The following TTC19 variants were observed in gnomAD, a reference collection of about 807,000 sequenced individuals.
TTC19 encodes tetratricopeptide repeat protein 19, mitochondrial.
TTC19 carries 38 observed loss-of-function variants against 49.5 expected under a neutral mutation model. The ratio of observed to expected loss-of-function variants is 0.77; its 90% CI spans 0.59 to 1.01. The LOEUF (loss-of-function observed/expected upper bound fraction) is 1.01. Ranked by LOEUF, TTC19 falls within the 50% of genes least tolerant of loss-of-function variation. TTC19 has a pLI of 0.00. For missense variants in TTC19, 475 were observed against 477.7 expected (o/e 0.99, Z 0.05); for synonymous variants, 204 against 185.2 (o/e 1.10, Z -0.83).
intron 6 of TTC19, among the ~76,000 whole-genome samples, chr17:16,005,382 G>T (rs1037033397): frequency 6.6e-6 from 1 of 152,200 alleles, no homozygotes; most frequent in South Asian, 2.1e-4. Flanking sequence ...GAAGGAAGGG[G>T]ATGCTTCTGT....
intron 7 of TTC19, among the ~76,000 whole-genome samples, chr17:16,007,636 G>T (rs1970950636): frequency 6.6e-6 from 1 of 152,176 alleles, no homozygotes; most frequent in Non-Finnish European, 1.5e-5. Flanking sequence ...TGATAACTGA[G>T]ACTGCTGCTA....
chr17:16,019,310 G>A (rs1316303059), intron 7 of TTC19, among the ~76,000 whole-genome samples: 3 of 152,192 alleles, frequency 2.0e-5, no homozygotes, highest in African/African-American at 7.2e-5. Flanking sequence ...TCCAGCCTGG[G>A]TGACAGAGTG....
At chr17:16,002,916 C>T (rs1970785624) in intron 4 of TTC19, 85 bp downstream of exon 4, 1 of 1,284,776 alleles carries the variant, frequency 7.8e-7, no homozygotes, top group Non-Finnish European at 1.1e-6. Context: ...GGCTAAGCTG[C>T]TATAACAAAG....
downstream of TTC19, chr17:16,032,632 A>G (rs1244241024): frequency 1.5e-6 from 1 of 684,390 alleles, no homozygotes; most frequent in East Asian, 3.0e-5. Context: ...GGAATGGCCA[A>G]AGTCTCACCA....
Position 16,027,480 on chromosome 17 carries a change from G to A in TTC19, c.1101G>A (p.Leu367=), listed in dbSNP as rs1597471592. Residue 367 remains leucine (L), a synonymous_variant, in exon 10 of 10, where the codon CTG becomes CTA. Transcript: ENST00000261647. ...VQHIREELAE[L]SKKSRPLTNS... The stretch of plus-strand genomic sequence containing the variant: ...ACATCAGGGAAGAGTTGGCTGAGCT[G>A]TCAAAGAAAAGTAGACCTTTGACAA... 4 of 1,614,108 alleles carry A rather than the reference G, an allele frequency of 2.5e-6. No individual in the cohort carries two copies. The highest frequency in any genetic ancestry group is 3.4e-6 in the Non-Finnish European group (4 of 1,179,972).
rs7223740 is a variant in TTC19, at chr17:16,021,094, T to C, written c.677-3923T>C. ...CTAGGTGCTGAGATACAGATATAAA[T>C]AAAAGAAAGTTGGCTGGGCGCAGTG... On this transcript the variant is annotated intron_variant, in intron 7 of 9. Coordinates refer to ENST00000261647, the MANE Select transcript of TTC19 (RefSeq NM_017775.4). 8.5e-3 allele frequency among the ~76,000 whole-genome samples: 1,286 copies of C among 152,124 alleles called. 13 individuals are homozygous for C. The highest frequency in any genetic ancestry group is 0.029 in the African/African-American group (1,212 of 41,512).
At position 16,000,167 on chromosome 17, in the gene TTC19, G is replaced by A. The variant is rs1035141902; in HGVS notation, c.234G>A (p.Gln78=). The change falls in exon 2 of 10, where the codon CAG becomes CAA. Residue 78 remains glutamine (Q), a synonymous_variant. Coordinates refer to ENST00000261647, the MANE Select transcript of TTC19 (RefSeq NM_017775.4). Reference sequence around the variant, plus strand: ...CTGCGGCAGAGGAGGAGGAGCAGCAGGGAGCCGACGGGGCCGCTGCCGAGG... The same window carrying A: ...CTGCGGCAGAGGAGGAGGAGCAGCAAGGAGCCGACGGGGCCGCTGCCGAGG... The part of the protein sequence containing the change: ...RPAAAEEEEQ[Q]GADGAAAEDG... The A allele has an allele frequency of 1.4e-5, 23 of 1,590,742 alleles. No homozygotes were observed. The highest frequency in any genetic ancestry group is 2.7e-5 in the African/African-American group (2 of 74,752).
At chr17:16,006,990 T>C (rs1970929991) in intron 7 of TTC19, among the ~76,000 whole-genome samples, 3 of 152,254 alleles carry the variant, frequency 2.0e-5, no homozygotes, top group Admixed American at 6.5e-5. Context: ...TCACTCATTC[T>C]GGAGGCTAGG....
rs1970748362 is a variant in TTC19 at position 16,001,912 on chromosome 17, C to T, written c.313-3C>T. 1 of 1,603,626 alleles carries T rather than the reference C, an allele frequency of 6.2e-7. No individual in the cohort carries two copies. On this transcript the variant is annotated splice_polypyrimidine_tract_variant and splice_region_variant and intron_variant, in intron 2 of 9. Coordinates refer to ENST00000261647, the MANE Select transcript of TTC19 (RefSeq NM_017775.4). ...TTTCTATTATTTTGTCTTCCCTTTT[C>T]AGTTGAGCATTATGAAAGATGAGCC...
Position 16,027,439 on chromosome 17 carries a change from G to T in TTC19, c.1060G>T (p.Glu354Ter). Residue 354 changes from glutamate to a stop codon, truncating the protein, a stop_gained, in exon 10 of 10, where the codon GAA becomes TAA. Transcript: ENST00000261647. LOFTEE classifies it high-confidence loss of function. ...ALKQAKLKKD[E>*]ISVQHIREEL... Reference sequence around the variant, plus strand: ...GAAGCAAGCAAAGCTGAAAAAAGATGAAATTTCTGTACAACACATCAGGGA... The same window carrying T: ...GAAGCAAGCAAAGCTGAAAAAAGATTAAATTTCTGTACAACACATCAGGGA... 6.2e-7 allele frequency: 1 copy of T among 1,614,112 alleles called. No homozygotes were observed. Among genetic ancestry groups the T allele is most frequent in the Non-Finnish European group, 8.5e-7 (1 of 1,179,964 alleles).
intron 2 of TTC19, among the ~76,000 whole-genome samples, chr17:16,041,491 G>A (rs2057611254): frequency 1.4e-5 from 2 of 146,668 alleles, no homozygotes; most frequent in Non-Finnish European, 3.0e-5. Flanking sequence ...TAGGCTCACT[G>A]CAACCTCTGC....
In TTC19 at chr17:16,028,959, A is replaced by C; in HGVS notation, c.*1437A>C. 1 of 425,786 alleles carries C rather than the reference A, an allele frequency of 2.3e-6. No individual in the cohort carries two copies. Among genetic ancestry groups the C allele is most frequent in the Non-Finnish European group, 4.6e-6 (1 of 218,884 alleles). The allele number at this position is 425,786 out of a possible 1,614,324, so 26.4% of individuals were successfully genotyped here. On this transcript the variant is annotated 3_prime_UTR_variant, in exon 10 of 10. Transcript: ENST00000261647. ...GTAAATTTCTTCCTATTTTCTGTCT[A>C]ATCTCATATTATTTACCATGCAGCT... is the stretch of plus-strand genomic sequence containing the variant.
chr17:16,039,361 C>T, intron 2 of TTC19: 15 of 1,352,072 alleles, frequency 1.1e-5, no homozygotes, highest in Non-Finnish European at 1.6e-5. Flanking sequence ...CTTAGTGATG[C>T]ATCAGAATTT....
rs73978586 is a variant in TTC19 at position 16,001,764 on chromosome 17, T to C, written c.313-151T>C. On this transcript the variant is annotated intron_variant, in intron 2 of 9. Transcript: ENST00000261647. The stretch of plus-strand genomic sequence containing the variant: ...ACCTCCCTGTCATCTCTGTAGACAA[T>C]GCTTTGTACATAGTAGGAATTCAGT... The C allele has an allele frequency of 9.2e-3, 6,123 of 664,540 alleles. 280 individuals carry two copies. The African/African-American group carries it at 0.096, about 10-fold the overall frequency. The allele number at this position is 664,540 out of a possible 1,614,324, so 41.2% of individuals were successfully genotyped here.
At position 16,000,297 on chromosome 17, in the gene TTC19, C is replaced by T. The variant is rs546037472; in HGVS notation, c.312+52C>T. ...GGCCGAGCGCGGTAGCCTTTGTGAG[C>T]GGGGTCTTGGCGTTGCTGCGCATTA... On this transcript the variant is annotated intron_variant, in intron 2 of 9. Coordinates refer to ENST00000261647, the MANE Select transcript of TTC19 (RefSeq NM_017775.4). 17 of 1,586,904 alleles carry T rather than the reference C, an allele frequency of 1.1e-5. No individual in the cohort carries two copies. In the African/African-American group the frequency reaches 2.1e-4, roughly 20 times the overall value.
In TTC19 at chr17:16,002,627, A is replaced by G. The variant is rs548624403; in HGVS notation, c.424-166A>G. On this transcript the variant is annotated intron_variant, in intron 3 of 9. Coordinates refer to ENST00000261647, the MANE Select transcript of TTC19 (RefSeq NM_017775.4). ...GTATGTGCAAGTATTTAATTCTCAC[A>G]TGATTGCTGTCCTGTGCTTCTTCTT... is the stretch of plus-strand genomic sequence containing the variant. 1.7e-4 allele frequency: 114 copies of G among 683,012 alleles called. 1 individual carries two copies. The highest frequency in any genetic ancestry group is 2.6e-4 in the Non-Finnish European group (97 of 378,928). 42.3% of individuals were successfully genotyped at this position (683,012 alleles called of 1,614,324 possible). A position where few individuals can be genotyped will look rare whatever the true frequency, so the allele number is the denominator to read the frequency against.
chr17:16,004,147 T>A, intron 5 of TTC19, 54 bp from the exon 6 acceptor site: 1 of 1,534,098 alleles, frequency 6.5e-7, no homozygotes, highest in Non-Finnish European at 9.0e-7. Context: ...ATCTGAAATA[T>A]GCCATGAAAA....
In TTC19 at chr17:16,028,464, A is replaced by G. The variant is rs893145041; in HGVS notation, c.*942A>G. 4.4e-6 allele frequency: 2 copies of G among 454,076 alleles called. No individual in the cohort carries two copies. The highest frequency in any genetic ancestry group is 1.4e-4 in the East Asian group (2 of 14,394). The allele number at this position is 454,076 out of a possible 1,614,324, so 28.1% of individuals were successfully genotyped here. A position where few individuals can be genotyped will look rare whatever the true frequency, so the allele number is the denominator to read the frequency against. On this transcript the variant is annotated 3_prime_UTR_variant, in exon 10 of 10. Transcript: ENST00000261647. ...ATCTTCATCTCTAAACTAGGGAAACACTGGGATTCTTTCTTAGCTGTGGGG... is the reference window on the plus strand; with the variant it reads ...ATCTTCATCTCTAAACTAGGGAAACGCTGGGATTCTTTCTTAGCTGTGGGG...
downstream of TTC19, chr17:16,032,256 G>A: frequency 1.3e-6 from 2 of 1,524,260 alleles, no homozygotes. Flanking sequence ...AAAAACTAGA[G>A]ATCCCTCTCC....
Sources: gnomAD v4.1 joint callset for allele counts (sites outside exome capture counted in the v4.1 genomes callset) on GRCh38, gnomAD v4.1.1 for gene constraint, MANE v1.5 for transcripts, NCBI Gene and HGNC (gene_info 2026-07-23, HGNC 2026-07-21) for gene names.